Variants in TFE3 observed in about 807,000 individuals in gnomAD.
TFE3 encodes the protein transcription factor binding to IGHM enhancer 3.
TFE3 carries 5 observed loss-of-function variants against 35.0 expected under a neutral mutation model. The observed-to-expected ratio is 0.14, with a 90% CI of 0.07 to 0.30. The LOEUF (loss-of-function observed/expected upper bound fraction) is 0.30, where lower values mean the gene tolerates loss of function less well. Ranked by LOEUF, TFE3 falls within the 10% of genes least tolerant of loss-of-function variation. TFE3 has a pLI of 1.00. For missense variants in TFE3, 374 were observed against 496.6 expected, an observed-to-expected ratio of 0.75 and a Z score of 2.35; for synonymous variants, 211 against 215.6, an observed-to-expected ratio of 0.98 and a Z score of 0.18.
rs1323292964 is a variant in TFE3, at chrX:49,043,345, G to T, written c.-119C>A. ...CCGCCGCCTCCTCCGCTAAGCCATG[G>T]AGCTAGCACTGCGCGGGCGGGCGGC... is the stretch of plus-strand genomic sequence containing the variant. On this transcript the variant is annotated 5_prime_UTR_variant, in exon 1 of 10. Coordinates refer to ENST00000315869, the MANE Select transcript of TFE3 (RefSeq NM_006521.6). 1.9e-6 allele frequency: 1 copy of T among 515,270 alleles called. No homozygotes were observed. The highest frequency in any genetic ancestry group is 2.5e-5 in the African/African-American group (1 of 39,876). 42.5% of individuals were successfully genotyped at this position (515,270 alleles called of 1,213,427 possible).
chrX:49,042,212 C>T (rs1449676799), intron 1 of TFE3, among the ~76,000 whole-genome samples: 1 of 111,321 alleles, frequency 9.0e-6, no homozygotes, highest in Non-Finnish European at 1.9e-5. Context: ...CAAGATTACC[C>T]CCAGGAGCTC....
chrX:49,030,125 G>A lies in TFE3; in HGVS notation c.*33C>T. ...ATCCTGACTGGTCCTCCTTTCCTGGGTGGGAAAGTCCCAGGGGAGGGGTGA... is the reference window on the plus strand; with the variant it reads ...ATCCTGACTGGTCCTCCTTTCCTGGATGGGAAAGTCCCAGGGGAGGGGTGA... On this transcript the variant is annotated 3_prime_UTR_variant, in exon 10 of 10. Coordinates refer to ENST00000315869, the MANE Select transcript of TFE3 (RefSeq NM_006521.6). 8.4e-7 allele frequency: 1 copy of A among 1,185,876 alleles called. No homozygotes were observed. The highest frequency in any genetic ancestry group is 1.1e-6 in the Non-Finnish European group (1 of 881,453).
At chrX:49,037,579 AT>A (rs1265633187) in intron 5 of TFE3, among the ~76,000 whole-genome samples, 1 of 109,336 alleles carries the variant, frequency 9.1e-6, no homozygotes, top group Non-Finnish European at 1.9e-5. Flanking sequence ...CGTGCCTATA[AT>A]CCCAGCTACT....
chrX:49,041,401 A>G (rs1439446384), intron 1 of TFE3, among the ~76,000 whole-genome samples: 1 of 111,875 alleles, frequency 8.9e-6, no homozygotes, highest in Non-Finnish European at 1.9e-5. Context: ...AAGATCTACC[A>G]TTTCACAAAT....
rs2064713116 is a variant in TFE3 at position 49,033,797 on chromosome X, AGT to A, written c.1004-17_1004-16del. The A allele has an allele frequency of 8.3e-7, 1 of 1,208,641 alleles. No individual in the cohort carries two copies. Among genetic ancestry groups the A allele is most frequent in the African/African-American group, 1.7e-5 (1 of 57,263 alleles). Reference sequence around the variant, plus strand: ...TGCCTCGGTCTCTGGAAAAGAGTGGAGTGATCAGGGCCTCTGAGCACAGGAAG... The same window carrying A: ...TGCCTCGGTCTCTGGAAAAGAGTGGAGATCAGGGCCTCTGAGCACAGGAAG... On this transcript the variant is annotated splice_polypyrimidine_tract_variant and intron_variant, in intron 6 of 9. Coordinates refer to ENST00000315869, the MANE Select transcript of TFE3 (RefSeq NM_006521.6).
chrX:49,042,384 GCTGT>G (rs1434560317), intron 1 of TFE3, among the ~76,000 whole-genome samples: 1 of 111,471 alleles, frequency 9.0e-6, no homozygotes, highest in African/African-American at 3.3e-5. Flanking sequence ...CCTCTGCCTG[GCTGT>G]CTATCTTCCA....
At chrX:49,038,554 G>T in intron 3 of TFE3, 112 bp from the exon 4 acceptor site, 1 of 976,817 alleles carries the variant, frequency 1.0e-6, no homozygotes, top group Non-Finnish European at 1.4e-6. Flanking sequence ...CTAGACTCAC[G>T]CAGACAAGCT....
Position 49,034,265 on chromosome X carries a change from G to A in TFE3, c.886-14C>T, listed in dbSNP as rs1557074313. The A allele has an allele frequency of 9.1e-7, 1 of 1,096,349 alleles. No homozygotes were observed. The highest frequency in any genetic ancestry group is 2.7e-5 in the Admixed American group (1 of 36,674). 90.4% of individuals were successfully genotyped at this position (1,096,349 alleles called of 1,213,427 possible). A position where few individuals can be genotyped will look rare whatever the true frequency, so the allele number is the denominator to read the frequency against. On this transcript the variant is annotated splice_polypyrimidine_tract_variant and intron_variant, in intron 5 of 9. Coordinates refer to ENST00000315869, the MANE Select transcript of TFE3 (RefSeq NM_006521.6). ...TGACACAGGCAGCTGGGGGCAGAGA[G>A]GGCAGAGAACCACCAGTTGGGAACA...
chrX:49,035,416 TTTTTTTTG>T (rs1330151820), intron 5 of TFE3, among the ~76,000 whole-genome samples: 2 of 9,699 alleles, frequency 2.1e-4, no homozygotes, highest in Non-Finnish European at 5.3e-4. Context: ...TTTTTTTTTT[TTTTTTTTG>T]GAGACGGAGT....
At chrX:49,041,089 C>T (rs1039006056) in intron 1 of TFE3, among the ~76,000 whole-genome samples, 3 of 109,893 alleles carry the variant, frequency 2.7e-5, no homozygotes, top group Non-Finnish European at 5.7e-5. Context: ...CACGCCACCA[C>T]GTCCGGCTAA....
chrX:49,033,620 G>C, intron 7 of TFE3, 80 bp from the exon 8 acceptor site: 1 of 1,177,739 alleles, frequency 8.5e-7, no homozygotes, highest in Non-Finnish European at 1.2e-6. Flanking sequence ...CAGAAAGTAG[G>C]GAGTTGGGAG....
chrX:49,031,609 G>A lies in TFE3; in HGVS notation c.1137-65C>T, dbSNP rs967351054. 9.2e-6 allele frequency: 10 copies of A among 1,087,100 alleles called. No homozygotes were observed. In the African/African-American group the frequency reaches 9.3e-5, roughly 10 times the overall value. 89.6% of individuals were successfully genotyped at this position (1,087,100 alleles called of 1,213,427 possible). A position where few individuals can be genotyped will look rare whatever the true frequency, so the allele number is the denominator to read the frequency against. On this transcript the variant is annotated intron_variant, in intron 8 of 9. Transcript: ENST00000315869. ...TGAGGAGTTTCTCAGGAGCTGAGGC[G>A]GGGATTGCACCAGGTGGGAGCCTCC...
At position 49,038,333 on chromosome X, in the gene TFE3, G is replaced by A; in HGVS notation, c.644C>T (p.Ala215Val). 2 of 1,206,489 alleles carry A rather than the reference G, an allele frequency of 1.7e-6. No individual in the cohort carries two copies. Among genetic ancestry groups the A allele is most frequent in the Non-Finnish European group, 2.2e-6 (2 of 893,938 alleles). Residue 215 changes from alanine (A) to valine (V), a missense_variant, in exon 4 of 10, where the codon GCC (alanine) becomes GTC (valine). Transcript: ENST00000315869. ...TTLGPKLASQ[A>V]LTPPPGPASA... ...TGCGGGCCCCGGCGGTGGGGTGAGG[G>A]CCTGGGAAGCCAGCTTGGGCCCGAG... is the stretch of plus-strand genomic sequence containing the variant.
intron 1 of TFE3, among the ~76,000 whole-genome samples, chrX:49,042,333 AC>A (rs1306866721): frequency 1.8e-5 from 2 of 111,330 alleles, no homozygotes; most frequent in African/African-American, 6.5e-5. Context: ...GGGTTCCCAA[AC>A]AAGGTCTGAG....
intron 3 of TFE3, 66 bp downstream of exon 3, chrX:49,039,041 C>A: frequency 9.3e-7 from 1 of 1,073,598 alleles, no homozygotes; most frequent in African/African-American, 1.9e-5. Context: ...GAGGCCATCC[C>A]TAGCTCCTAG....
chrX:49,041,550 C>T (rs1457688990), intron 1 of TFE3, among the ~76,000 whole-genome samples: 2 of 111,639 alleles, frequency 1.8e-5, no homozygotes, highest in African/African-American at 6.5e-5. Flanking sequence ...CCACTTTATA[C>T]AAGCATTCTT....
At chrX:49,039,481 A>G in intron 2 of TFE3, 71 bp from the exon 3 acceptor site, 1 of 1,039,700 alleles carries the variant, frequency 9.6e-7, no homozygotes. Context: ...AAAGGGTCTT[A>G]GCGTGACGGA....
chrX:49,039,072 G>A (rs2064746067), intron 3 of TFE3, 35 bp downstream of exon 3: 12 of 1,120,177 alleles, frequency 1.1e-5, no homozygotes, highest in East Asian at 3.1e-5. Context: ...CAGTCACCAG[G>A]AGCCCCCTCC....
At chrX:49,041,773 G>A (rs2064761762) in intron 1 of TFE3, among the ~76,000 whole-genome samples, 1 of 112,291 alleles carries the variant, frequency 8.9e-6, no homozygotes, top group South Asian at 3.6e-4. Flanking sequence ...CTCAGCCCCA[G>A]AGAGCAAGGG....
Sources: gnomAD v4.1 joint callset for allele counts (sites outside exome capture counted in the v4.1 genomes callset) on GRCh38, gnomAD v4.1.1 for gene constraint, MANE v1.5 for transcripts, NCBI Gene and HGNC (gene_info 2026-07-23, HGNC 2026-07-21) for gene names.